The following EPHA6 variants were observed in gnomAD, a reference collection of about 807,000 sequenced individuals.
The protein encoded by EPHA6 is ephrin type-A receptor 6.
A neutral mutation model predicts 112.0 loss-of-function variants in EPHA6; 50 were observed. The observed-to-expected ratio is 0.45, with a 90% confidence interval of 0.36 to 0.56. EPHA6 has a LOEUF of 0.56. Among genes scored for constraint, EPHA6 ranks in the 20% least tolerant of loss-of-function variants. The pLI, the probability that EPHA6 is intolerant of heterozygous loss-of-function variation, is 0.00. For synonymous variants in EPHA6, 529 were observed against 490.7 expected, an observed-to-expected ratio of 1.08 and a Z score of -1.03; for missense variants, 1,280 against 1,417.4, an observed-to-expected ratio of 0.90 and a Z score of 1.56.
chr3:97,355,434 G>A (rs2084021942), intron 5 of EPHA6, among the ~76,000 whole-genome samples: 1 of 151,962 alleles, frequency 6.6e-6, no homozygotes, highest in Admixed American at 6.6e-5. Flanking sequence ...GTTTGTTTTG[G>A]CAATCAGGGT....
chr3:97,291,623 A>G (rs1576858648), intron 5 of EPHA6, among the ~76,000 whole-genome samples: 3 of 152,128 alleles, frequency 2.0e-5, no homozygotes, highest in African/African-American at 4.8e-5. Context: ...CTTCTGCTTA[A>G]TCTATTGTTT....
chr3:96,954,775 T>A (rs2041690823), intron 2 of EPHA6, among the ~76,000 whole-genome samples: 1 of 27,848 alleles, frequency 3.6e-5, no homozygotes, highest in Admixed American at 5.5e-4. Flanking sequence ...TGGTGTGCCT[T>A]TTTTTTTTTT....
intron 5 of EPHA6, among the ~76,000 whole-genome samples, chr3:97,380,008 G>A (rs568349015): frequency 6.6e-6 from 1 of 152,180 alleles, no homozygotes; most frequent in South Asian, 2.1e-4. Context: ...TCAGAAATAG[G>A]AAACGTATTA....
At chr3:96,866,148 A>G (rs368285870) in intron 1 of EPHA6, among the ~76,000 whole-genome samples, 17 of 152,088 alleles carry the variant, frequency 1.1e-4, no homozygotes, top group African/African-American at 3.9e-4. Flanking sequence ...GCTTAACTTA[A>G]TTGCTAAGAT....
At chr3:97,580,288 CT>C (rs937456174) in intron 11 of EPHA6, among the ~76,000 whole-genome samples, 2 of 152,194 alleles carry the variant, frequency 1.3e-5, no homozygotes, top group African/African-American at 2.4e-5. Context: ...TTCACCACCC[CT>C]AGTGGAACAT....
chr3:96,876,133 A>T (rs959867532), intron 2 of EPHA6, among the ~76,000 whole-genome samples: 7 of 140,866 alleles, frequency 5.0e-5, no homozygotes, highest in South Asian at 2.2e-4. Context: ...AAATACATAT[A>T]TTTTTTTTTT....
intron 5 of EPHA6, among the ~76,000 whole-genome samples, chr3:97,321,054 A>G (rs1010398006): frequency 1.3e-5 from 2 of 151,842 alleles, no homozygotes; most frequent in Non-Finnish European, 2.9e-5. Context: ...TTGACCTTTC[A>G]TATGATTTCA....
chr3:97,406,458 A>G (rs2087353029), intron 6 of EPHA6, among the ~76,000 whole-genome samples: 1 of 152,110 alleles, frequency 6.6e-6, no homozygotes, highest in South Asian at 2.1e-4. Context: ...ACCCACTCCC[A>G]TGGTGACACC....
At chr3:97,680,345 C>A (rs1301685084) in intron 14 of EPHA6, among the ~76,000 whole-genome samples, 1 of 152,118 alleles carries the variant, frequency 6.6e-6, no homozygotes, top group African/African-American at 2.4e-5. Flanking sequence ...TTCATCAGGC[C>A]CAGCCCACAA....
intron 1 of EPHA6, among the ~76,000 whole-genome samples, chr3:96,843,431 T>C (rs746325962): frequency 1.3e-5 from 2 of 152,084 alleles, no homozygotes; most frequent in African/African-American, 2.4e-5. Flanking sequence ...ATAAGACTCT[T>C]AAAATATAGA....
chr3:97,560,191 G>A (rs1287694825), intron 11 of EPHA6, among the ~76,000 whole-genome samples: 2 of 151,832 alleles, frequency 1.3e-5, no homozygotes, highest in African/African-American at 4.8e-5. Context: ...ATAGAAAGTT[G>A]TGGATTTTCA....
At chr3:97,735,828 C>A in intron 15 of EPHA6, 97 bp from the exon 16 acceptor site, 1 of 827,476 alleles carries the variant, frequency 1.2e-6, no homozygotes, top group Non-Finnish European at 1.8e-6. Flanking sequence ...TTCATGCTTA[C>A]CATTATTTTG....
At chr3:96,876,133 AT>A (rs112570955) in intron 2 of EPHA6, among the ~76,000 whole-genome samples, 32,496 of 140,694 alleles carry the variant, frequency 0.23, 6,202 homozygotes, top group African/African-American at 0.53. Context: ...AAATACATAT[AT>A]TTTTTTTTTT....
intron 7 of EPHA6, among the ~76,000 whole-genome samples, chr3:97,459,230 T>A (rs2090803255): frequency 6.6e-6 from 1 of 152,138 alleles, no homozygotes; most frequent in South Asian, 2.1e-4. Context: ...TCAGTATAGC[T>A]AGAACTGTGC....
intron 5 of EPHA6, among the ~76,000 whole-genome samples, chr3:97,262,036 A>G (rs1036445596): frequency 2.0e-5 from 3 of 152,184 alleles, no homozygotes; most frequent in Non-Finnish European, 4.4e-5. Flanking sequence ...AGTTACTCAA[A>G]CCATTCTTCT....
At chr3:97,197,587 C>G (rs2077474000) in intron 3 of EPHA6, among the ~76,000 whole-genome samples, 1 of 151,730 alleles carries the variant, frequency 6.6e-6, no homozygotes, top group Non-Finnish European at 1.5e-5. Flanking sequence ...TTCTTTTTCT[C>G]AAGCAGAAAG....
At chr3:97,268,039 T>G (rs886772547) in intron 5 of EPHA6, among the ~76,000 whole-genome samples, 9 of 152,156 alleles carry the variant, frequency 5.9e-5, no homozygotes, top group Non-Finnish European at 8.8e-5. Context: ...GATAATTTAG[T>G]GATTTGGGAT....
intron 5 of EPHA6, among the ~76,000 whole-genome samples, chr3:97,322,075 A>T (rs2082146668): frequency 6.6e-6 from 1 of 152,082 alleles, no homozygotes; most frequent in Non-Finnish European, 1.5e-5. Flanking sequence ...GAAGAAGAAC[A>T]GACTTTCTCA....
chr3:97,006,338 G>T (rs922758987), intron 3 of EPHA6, among the ~76,000 whole-genome samples: 1 of 149,716 alleles, frequency 6.7e-6, no homozygotes, highest in African/African-American at 2.4e-5. Flanking sequence ...TTCCTGGTAG[G>T]GTGTATGCGT....
Sources: allele counts gnomAD v4.1 joint callset (sites outside exome capture counted in the v4.1 genomes callset), GRCh38; gene constraint gnomAD v4.1.1; transcripts MANE v1.5; gene names NCBI Gene and HGNC (gene_info 2026-07-23, HGNC 2026-07-21).